The following ARHGAP32 variants were observed in gnomAD, a reference collection of about 807,000 sequenced individuals.
ARHGAP32 encodes the protein rho GTPase-activating protein 32.
ARHGAP32 carries 51 observed loss-of-function variants against 186.5 expected under a neutral mutation model. The ratio of observed to expected loss-of-function variants is 0.27; its 90% CI spans 0.22 to 0.35. The LOEUF is 0.35. Among genes scored for constraint, ARHGAP32 ranks in the 10% least tolerant of loss-of-function variants. The pLI is 1.00. For synonymous variants in ARHGAP32, 950 were observed against 964.3 expected (o/e 0.99, Z 0.27); for missense variants, 2,186 against 2,623.5 (o/e 0.83, Z 3.64).
chr11:129,163,404 G>T (rs187710699), intron 2 of ARHGAP32, among the ~76,000 whole-genome samples: 1 of 152,028 alleles, frequency 6.6e-6, no homozygotes, highest in Non-Finnish European at 1.5e-5. Context: ...AATGTATTAC[G>T]TGAAAAACTA....
intron 1 of ARHGAP32, among the ~76,000 whole-genome samples, chr11:129,197,893 T>A (rs1944414765): frequency 6.6e-6 from 1 of 152,178 alleles, no homozygotes; most frequent in East Asian, 1.9e-4. Context: ...TCTGGATCAT[T>A]ATATATACAT....
intron 1 of ARHGAP32, among the ~76,000 whole-genome samples, chr11:129,172,456 T>C (rs1208204699): frequency 6.6e-6 from 1 of 151,946 alleles, no homozygotes; most frequent in Admixed American, 6.5e-5. Context: ...TTCTGAAGTC[T>C]ACAGAACTCT....
intron 1 of ARHGAP32, among the ~76,000 whole-genome samples, chr11:129,256,216 T>C (rs1565482365): frequency 6.6e-6 from 1 of 152,134 alleles, no homozygotes; most frequent in African/African-American, 2.4e-5. Flanking sequence ...TAGTCACATA[T>C]ATGTTCAGGC....
At chr11:129,267,217 C>T (rs972047821) in intron 1 of ARHGAP32, among the ~76,000 whole-genome samples, 10 of 152,192 alleles carry the variant, frequency 6.6e-5, no homozygotes, top group African/African-American at 2.2e-4. Context: ...TAAAAATTAA[C>T]GGGGCATGAT....
chr11:129,239,077 T>C (rs972340728), intron 1 of ARHGAP32, among the ~76,000 whole-genome samples: 2 of 152,096 alleles, frequency 1.3e-5, no homozygotes, highest in African/African-American at 4.8e-5. Context: ...CTCAAACCCC[T>C]GGGCTCAAGC....
At chr11:129,238,458 T>C (rs1944966001) in intron 1 of ARHGAP32, among the ~76,000 whole-genome samples, 1 of 152,228 alleles carries the variant, frequency 6.6e-6, no homozygotes, top group Non-Finnish European at 1.5e-5. Context: ...CATGCACTAC[T>C]GGATTTACTA....
intron 1 of ARHGAP32, among the ~76,000 whole-genome samples, chr11:129,206,632 T>C (rs1009558583): frequency 3.9e-5 from 6 of 152,184 alleles, no homozygotes; most frequent in African/African-American, 1.4e-4. Flanking sequence ...TTTTTTATTA[T>C]CATATATGGT....
rs1490595568 is a variant in ARHGAP32 at position 129,173,514 on chromosome 11, C to G, written c.117-9087G>C. Among the ~76,000 whole-genome samples the G allele has an allele frequency of 2.6e-5, 4 of 151,940 alleles. 1 individual carries two copies. In the South Asian group the frequency reaches 6.2e-4, roughly 24 times the overall value. The stretch of plus-strand genomic sequence containing the variant: ...TACCAAAACCAGAAAGAAACACAAC[C>G]AAAAAAGAAAACTTCAGGCCAATAC... On this transcript the variant is annotated intron_variant, in intron 1 of 22. Transcript: ENST00000682385.
At chr11:129,015,563 T>C (rs1938299897) in intron 11 of ARHGAP32, among the ~76,000 whole-genome samples, 1 of 152,190 alleles carries the variant, frequency 6.6e-6, no homozygotes, top group African/African-American at 2.4e-5. Flanking sequence ...AGAGAACCTG[T>C]ATCCTGAATT....
upstream of ARHGAP32, among the ~76,000 whole-genome samples, chr11:129,193,734 T>A (rs1156997379): frequency 1.0e-4 from 9 of 88,806 alleles, no homozygotes; most frequent in Non-Finnish European, 1.7e-4. Flanking sequence ...TTATATATAA[T>A]ATATATTATA....
chr11:128,974,985 G>T lies in ARHGAP32; in HGVS notation c.2212C>A (p.Arg738=), dbSNP rs1211940583. The change falls in exon 21 of 23, where the codon CGA becomes AGA. Residue 738 remains arginine, a synonymous_variant. Transcript: ENST00000682385. ...CTGGAAGATCTGGGTCTTCTGGGTCGGAAGAGCTTAGAATCACCTGGAAAA... is the reference window on the plus strand; with the variant it reads ...CTGGAAGATCTGGGTCTTCTGGGTCTGAAGAGCTTAGAATCACCTGGAAAA... ...HAVDGDSKLF[R]PRRPRSSSDA... 1.2e-6 allele frequency: 2 copies of T among 1,607,822 alleles called. No homozygotes were observed. The highest frequency in any genetic ancestry group is 2.7e-5 in the African/African-American group (2 of 74,796).
At chr11:129,020,171 G>A (rs897824599) in intron 11 of ARHGAP32, among the ~76,000 whole-genome samples, 17 of 152,008 alleles carry the variant, frequency 1.1e-4, no homozygotes, top group African/African-American at 2.9e-4. Flanking sequence ...CATTTAAAAC[G>A]TCATTGGAGA....
intron 2 of ARHGAP32, among the ~76,000 whole-genome samples, chr11:129,150,676 T>C (rs1943268854): frequency 6.6e-6 from 1 of 152,066 alleles, no homozygotes; most frequent in South Asian, 2.1e-4. Flanking sequence ...CTGAAGCAAT[T>C]TGCCACTACT....
chr11:129,270,055 A>C (rs79593950), intron 1 of ARHGAP32, among the ~76,000 whole-genome samples: 1 of 151,988 alleles, frequency 6.6e-6, no homozygotes, highest in Non-Finnish European at 1.5e-5. Context: ...AAAAAAAAAA[A>C]CCACACCCAG....
intron 2 of ARHGAP32, among the ~76,000 whole-genome samples, chr11:129,147,538 G>C (rs1336052517): frequency 6.6e-6 from 1 of 152,150 alleles, no homozygotes; most frequent in Non-Finnish European, 1.5e-5. Flanking sequence ...GATTTTGTTT[G>C]TCTTTTGATT....
chr11:129,022,903 T>C (rs1359099810), intron 11 of ARHGAP32, among the ~76,000 whole-genome samples: 2 of 152,168 alleles, frequency 1.3e-5, no homozygotes, highest in Non-Finnish European at 2.9e-5. Context: ...ATAGCATTCT[T>C]TTTTAAAAAA....
chr11:129,073,182 C>T (rs1224686738), intron 6 of ARHGAP32, among the ~76,000 whole-genome samples: 5 of 152,150 alleles, frequency 3.3e-5, no homozygotes, highest in Admixed American at 2.0e-4. Flanking sequence ...CTTTGACCCA[C>T]CTTATGTCCA....
chr11:129,188,145 A>G lies in ARHGAP32; in HGVS notation c.116+3938T>C, dbSNP rs1591684167. 2.0e-5 allele frequency among the ~76,000 whole-genome samples: 3 copies of G among 152,010 alleles called. No homozygotes were observed. The South Asian group carries it at 6.2e-4, about 32-fold the overall frequency. On this transcript the variant is annotated intron_variant, in intron 1 of 22. Coordinates refer to ENST00000682385, the MANE Select transcript of ARHGAP32 (RefSeq NM_001378024.1). ...TAATTTTTGTATTTTTAGTAGAGACAGGGTTTCACCATGTTGGCCAGGCTG... is the reference window on the plus strand; with the variant it reads ...TAATTTTTGTATTTTTAGTAGAGACGGGGTTTCACCATGTTGGCCAGGCTG...
At chr11:129,158,573 G>C (rs1404024680) in intron 2 of ARHGAP32, among the ~76,000 whole-genome samples, 2 of 152,114 alleles carry the variant, frequency 1.3e-5, no homozygotes, top group East Asian at 1.9e-4. Flanking sequence ...AGTTTTTAGA[G>C]ACCTACAAAG....
Sources: allele counts gnomAD v4.1 joint callset (sites outside exome capture counted in the v4.1 genomes callset), GRCh38; gene constraint gnomAD v4.1.1; transcripts MANE v1.5; gene names NCBI Gene and HGNC (gene_info 2026-07-23, HGNC 2026-07-21).